The following EXOC1 variants were observed in gnomAD, a reference collection of about 807,000 sequenced individuals.
The protein encoded by EXOC1 is exocyst complex component 1.
In EXOC1, 67 loss-of-function variants were observed where a neutral mutation model predicts 107.7. The ratio of observed to expected loss-of-function variants is 0.62; its 90% CI spans 0.51 to 0.76. The LOEUF is 0.76. Ranked by LOEUF, EXOC1 falls within the 30% of genes least tolerant of loss-of-function variation. EXOC1 has a pLI of 0.00. For synonymous variants in EXOC1, 348 were observed against 353.5 expected (o/e 0.98, Z 0.17); for missense variants, 833 against 1,055.7 (o/e 0.79, Z 2.92).
At chr4:55,885,693 T>C (rs1723809929) in intron 10 of EXOC1, 1 of 152,194 alleles carries the variant, frequency 6.6e-6, no homozygotes, top group Admixed American at 6.5e-5. Flanking sequence ...TGAAATGTTC[T>C]ATAAAACAAA....
rs1391419764 is a variant in EXOC1, at chr4:55,904,939, G to GT, written c.*445dup. ...TGTGTATATGGAGAAGAGGGCTCAT[G>GT]TGATGATCATTTGTGAACTTAGATT... is the stretch of plus-strand genomic sequence containing the variant. On this transcript the variant is annotated 3_prime_UTR_variant, in exon 19 of 19. Transcript: ENST00000381295. 1 of 152,800 alleles carries GT rather than the reference G, an allele frequency of 6.5e-6. No homozygotes were observed. Among genetic ancestry groups the GT allele is most frequent in the Non-Finnish European group, 1.5e-5 (1 of 68,458 alleles). The allele number at this position is 152,800 out of a possible 1,614,324, so 9.5% of individuals were successfully genotyped here.
chr4:55,890,321 C>T lies in EXOC1; in HGVS notation c.1474C>T (p.Leu492=), dbSNP rs760432726. The part of the protein sequence containing the change: ...SGNRRSQSSS[L]LDMGNMSASD... ...GAATCGCAGATCTCAGTCATCTTCCCTGTTGGATATGGGAAACATGTCTGC... is the reference window on the plus strand; with the variant it reads ...GAATCGCAGATCTCAGTCATCTTCCTTGTTGGATATGGGAAACATGTCTGC... The change falls in exon 12 of 19, where the codon CTG becomes TTG. Residue 492 remains leucine, a synonymous_variant. Transcript: ENST00000381295. The T allele has an allele frequency of 6.2e-7, 1 of 1,613,982 alleles. No homozygotes were observed. Among genetic ancestry groups the T allele is most frequent in the South Asian group, 1.1e-5 (1 of 91,074 alleles).
chr4:55,877,373 A>G, intron 8 of EXOC1: 1 of 985,378 alleles, frequency 1.0e-6, no homozygotes, highest in Non-Finnish European at 1.2e-6. Flanking sequence ...TTGTTGGGAA[A>G]TTGTATTTTC....
At chr4:55,868,724 A>C in intron 5 of EXOC1, 1 of 425,660 alleles carries the variant, frequency 2.3e-6, no homozygotes, top group Non-Finnish European at 4.1e-6. Context: ...CAATGAAGAC[A>C]GTTGGCTGAG....
At chr4:55,857,079 T>C (rs934343945) in intron 1 of EXOC1, among the ~76,000 whole-genome samples, 17 of 151,924 alleles carry the variant, frequency 1.1e-4, no homozygotes, top group Admixed American at 9.2e-4. Flanking sequence ...CAATACGTGG[T>C]CTTTTGTGGC....
chr4:55,886,578 A>C (rs1723902694), intron 10 of EXOC1, among the ~76,000 whole-genome samples: 1 of 151,504 alleles, frequency 6.6e-6, no homozygotes, highest in African/African-American at 2.4e-5. Flanking sequence ...AAAAAAACAA[A>C]AAAAAAAAAA....
rs1724337369 is a variant in EXOC1 at position 55,890,071 on chromosome 4, T to C, written c.1376-152T>C. On this transcript the variant is annotated intron_variant, in intron 11 of 18. Coordinates refer to ENST00000381295, the MANE Select transcript of EXOC1 (RefSeq NM_001024924.2). ...CAATGTTAATGGAAGATAAGGAAAC[T>C]ATACCACCTATCCCTTATAGAAGAT... is the stretch of plus-strand genomic sequence containing the variant. The C allele has an allele frequency of 5.0e-5, 32 of 644,946 alleles. No homozygotes were observed. The South Asian group carries it at 6.4e-4, about 13-fold the overall frequency. The allele number at this position is 644,946 out of a possible 1,614,324, so 40.0% of individuals were successfully genotyped here. A position where few individuals can be genotyped will look rare whatever the true frequency, so the allele number is the denominator to read the frequency against.
rs1267155036 is a variant in EXOC1 at position 55,890,203 on chromosome 4, A to C, written c.1376-20A>C. 1 of 1,611,796 alleles carries C rather than the reference A, an allele frequency of 6.2e-7. No homozygotes were observed. The highest frequency in any genetic ancestry group is 1.3e-5 in the African/African-American group (1 of 74,802). ...TTTATTTGTGAAGATCACAACTTTC[A>C]AAGTTTTATTATTTCTTAGGTCTTC... is the stretch of plus-strand genomic sequence containing the variant. On this transcript the variant is annotated intron_variant, in intron 11 of 18. Transcript: ENST00000381295.
chr4:55,899,906 A>G, intron 17 of EXOC1, 22 bp downstream of exon 17: 1 of 1,587,450 alleles, frequency 6.3e-7, no homozygotes, highest in East Asian at 2.2e-5. Context: ...TTCATTCAGT[A>G]TTTTTCCTAC....
intron 9 of EXOC1, chr4:55,883,618 T>A: frequency 1.0e-5 from 4 of 398,168 alleles, no homozygotes; most frequent in Non-Finnish European, 1.4e-5. Context: ...TATGTTTGAC[T>A]TCATATTTTT....
chr4:55,854,817 A>G (rs1425907639), intron 1 of EXOC1, among the ~76,000 whole-genome samples: 1 of 152,232 alleles, frequency 6.6e-6, no homozygotes, highest in African/African-American at 2.4e-5. Context: ...ATTCAGTTCT[A>G]ATTACCTTAA....
At chr4:55,882,243 C>T (rs889416689) in intron 9 of EXOC1, among the ~76,000 whole-genome samples, 1 of 152,112 alleles carries the variant, frequency 6.6e-6, no homozygotes, top group Admixed American at 6.5e-5. Context: ...TGGGCTCAAG[C>T]AGTCCTTCTG....
chr4:55,873,303 CAGAG>C (rs1722612148), intron 8 of EXOC1, among the ~76,000 whole-genome samples: 1 of 152,018 alleles, frequency 6.6e-6, no homozygotes, highest in Non-Finnish European at 1.5e-5. Context: ...AGGGGGGAAT[CAGAG>C]AGATTCCCTT....
intron 1 of EXOC1, among the ~76,000 whole-genome samples, chr4:55,855,022 G>A (rs76724260): frequency 5.0e-4 from 76 of 152,340 alleles, no homozygotes; most frequent in African/African-American, 1.7e-3. Context: ...AAACCATGAA[G>A]TGTAATTAGG....
intron 16 of EXOC1, among the ~76,000 whole-genome samples, chr4:55,899,146 TCTTTA>T (rs1156848010): frequency 7.9e-5 from 12 of 152,282 alleles, no homozygotes; most frequent in East Asian, 5.8e-4. Flanking sequence ...GTATATGGTG[TCTTTA>T]CTTTACATGA....
At chr4:55,871,314 A>C (rs528313596) in intron 7 of EXOC1, 81 bp downstream of exon 7, 2 of 1,495,318 alleles carry the variant, frequency 1.3e-6, no homozygotes, top group African/African-American at 1.4e-5. Context: ...TTTGACAAGA[A>C]ATACATGAGA....
In EXOC1 at chr4:55,882,349, A is replaced by T. The variant is rs10015963; in HGVS notation, c.1225-1474A>T. Among the ~76,000 whole-genome samples, 1,093 of 152,252 alleles carry T rather than the reference A, an allele frequency of 7.2e-3. 16 individuals carry two copies. Among genetic ancestry groups the T allele is most frequent in the African/African-American group, 0.025 (1,048 of 41,540 alleles). ...GATACAGGGTTTCACCATGTTGCCCAGGCTGGCATCATAGAGTTTTGGAGA... is the reference window on the plus strand; with the variant it reads ...GATACAGGGTTTCACCATGTTGCCCTGGCTGGCATCATAGAGTTTTGGAGA... On this transcript the variant is annotated intron_variant, in intron 9 of 18. Coordinates refer to ENST00000381295, the MANE Select transcript of EXOC1 (RefSeq NM_001024924.2).
At chr4:55,890,118 C>T (rs1724345985) in intron 11 of EXOC1, 105 bp from the exon 12 acceptor site, 3 of 1,083,660 alleles carry the variant, frequency 2.8e-6, no homozygotes, top group Non-Finnish European at 4.1e-6. Context: ...CTAATATGAG[C>T]CCTGGAAGAT....
chr4:55,865,884 T>C (rs1721916938), intron 4 of EXOC1, among the ~76,000 whole-genome samples: 4 of 152,094 alleles, frequency 2.6e-5, no homozygotes, highest in South Asian at 2.1e-4. Context: ...GACACGTTCA[T>C]GTGTATAAAC....
Sources: gnomAD v4.1 joint callset for allele counts (sites outside exome capture counted in the v4.1 genomes callset) on GRCh38, gnomAD v4.1.1 for gene constraint, MANE v1.5 for transcripts, NCBI Gene and HGNC (gene_info 2026-07-23, HGNC 2026-07-21) for gene names.